ITGAX: variants seen among roughly 807,000 people sequenced by gnomAD.
ITGAX encodes integrin alpha-X.
Under a neutral mutation model 140.2 loss-of-function variants are expected in ITGAX, and 99 were observed. The observed-to-expected ratio is 0.71, with a 90% CI of 0.60 to 0.83. The LOEUF (loss-of-function observed/expected upper bound fraction) is 0.83, where lower values mean the gene tolerates loss of function less well. Ranked by LOEUF, ITGAX falls within the 40% of genes least tolerant of loss-of-function variation. The probability of loss-of-function intolerance (pLI) is 0.00; values close to 1 mark genes in which losing one functional copy is unlikely to be tolerated. For missense variants in ITGAX, 1,444 were observed against 1,482.0 expected, an observed-to-expected ratio of 0.97 and a Z score of 0.42; for synonymous variants, 631 against 600.4, an observed-to-expected ratio of 1.05 and a Z score of -0.75.
Position 31,371,377 on chromosome 16 carries a change from C to T in ITGAX, c.1885C>T (p.Pro629Ser). ...GGTGGGGGTGAGCATGCAGTTCATA[C>T]CTGCCGAGATCCCCAGGTCTGCGTT... ...LWVGVSMQFI[P>S]AEIPRSAFEC... Residue 629 changes from proline (P) to serine (S), a missense_variant, in exon 16 of 30, where the codon CCT becomes TCT. Pro to Ser is a moderately conservative substitution (Grantham distance 74). Coordinates refer to ENST00000268296, the MANE Select transcript of ITGAX (RefSeq NM_000887.5). 1 of 1,614,216 alleles carries T rather than the reference C, an allele frequency of 6.2e-7. No individual in the cohort carries two copies. Among genetic ancestry groups the T allele is most frequent in the South Asian group, 1.1e-5 (1 of 91,088 alleles).
chr16:31,356,613 G>A lies in ITGAX; in HGVS notation c.144-12G>A. On this transcript the variant is annotated splice_polypyrimidine_tract_variant and intron_variant, in intron 2 of 29. Coordinates refer to ENST00000268296, the MANE Select transcript of ITGAX (RefSeq NM_000887.5). Reference sequence around the variant, plus strand: ...CACACTCTTACCTAAAGTGTTCTTTGTCTCCTCGCAGGGTGGTGGTTGGAG... The same window carrying A: ...CACACTCTTACCTAAAGTGTTCTTTATCTCCTCGCAGGGTGGTGGTTGGAG... The A allele has an allele frequency of 1.3e-6, 2 of 1,580,128 alleles. No individual in the cohort carries two copies. The highest frequency in any genetic ancestry group is 8.6e-7 in the Non-Finnish European group (1 of 1,162,320).
chr16:31,373,513 G>A, intron 20 of ITGAX, 123 bp downstream of exon 20: 1 of 1,003,586 alleles, frequency 1.0e-6, no homozygotes, highest in Non-Finnish European at 1.4e-6. Context: ...CTGCTCGTGT[G>A]GGTGTTCAAC....
chr16:31,362,316 T>A (rs1342057481), intron 11 of ITGAX, 112 bp downstream of exon 11: 13 of 1,289,492 alleles, frequency 1.0e-5, no homozygotes, highest in African/African-American at 1.8e-5. Flanking sequence ...GGGTCCAGGC[T>A]TCTGGGGAGG....
At chr16:31,373,923 G>A (rs921615979) in intron 20 of ITGAX, among the ~76,000 whole-genome samples, 3 of 152,212 alleles carry the variant, frequency 2.0e-5, no homozygotes, top group Non-Finnish European at 4.4e-5. Context: ...GTGGCTGTTG[G>A]TTGCCAATCC....
intron 20 of ITGAX, 140 bp downstream of exon 20, chr16:31,373,530 C>T (rs2080993237): frequency 4.8e-6 from 4 of 825,948 alleles, no homozygotes; most frequent in Non-Finnish European, 7.0e-6. Flanking sequence ...CAACTTTGGG[C>T]ATCGCAGTTT....
In ITGAX at chr16:31,361,915, T is replaced by C; in HGVS notation, c.1086+6T>C. On this transcript the variant is annotated splice_donor_region_variant and intron_variant, in intron 10 of 29. Coordinates refer to ENST00000268296, the MANE Select transcript of ITGAX (RefSeq NM_000887.5). ...TCAGCGCTGTGTTCACACCTGTGAGTGGGGCCCCTTAGGCCGATGATGTGC... is the reference window on the plus strand; with the variant it reads ...TCAGCGCTGTGTTCACACCTGTGAGCGGGGCCCCTTAGGCCGATGATGTGC... The C allele has an allele frequency of 6.2e-7, 1 of 1,613,716 alleles. No homozygotes were observed. The highest frequency in any genetic ancestry group is 8.5e-7 in the Non-Finnish European group (1 of 1,179,904).
chr16:31,362,522 G>A (rs1358835367), intron 11 of ITGAX, 89 bp from the exon 12 acceptor site: 2 of 1,471,528 alleles, frequency 1.4e-6, no homozygotes, highest in Non-Finnish European at 1.8e-6. Flanking sequence ...TTCTGGGGAG[G>A]GGAGATGGTG....
At chr16:31,372,166 G>GGA (rs1555477538) in intron 17 of ITGAX, among the ~76,000 whole-genome samples, 1 of 106,868 alleles carries the variant, frequency 9.4e-6, no homozygotes, top group Non-Finnish European at 1.9e-5. Flanking sequence ...CGGGAGGTCT[G>GGA]GGGGGGGGGA....
chr16:31,370,883 T>A (rs965529134), intron 14 of ITGAX, among the ~76,000 whole-genome samples: 16 of 152,128 alleles, frequency 1.1e-4, no homozygotes, highest in African/African-American at 2.4e-4. Context: ...ACACCCTTCC[T>A]ATCTCCACTC....
intron 19 of ITGAX, 122 bp from the exon 20 acceptor site, chr16:31,373,127 A>G (rs2080987691): frequency 1.4e-6 from 1 of 700,262 alleles, no homozygotes; most frequent in Non-Finnish European, 2.2e-6. Flanking sequence ...AAGAAGAAGA[A>G]GAAGAACCCA....
At chr16:31,376,777 C>G (rs183235099) in intron 20 of ITGAX, 22 bp from the exon 21 acceptor site, 372 of 1,609,554 alleles carry the variant, frequency 2.3e-4, no homozygotes, top group Non-Finnish European at 3.1e-4. Context: ...ACTAATACTC[C>G]TCTACTTTTT....
intron 20 of ITGAX, among the ~76,000 whole-genome samples, chr16:31,375,533 G>A (rs955152799): frequency 2.0e-5 from 3 of 152,204 alleles, no homozygotes; most frequent in African/African-American, 7.2e-5. Flanking sequence ...ACACTCTATA[G>A]TTCTGAACAA....
At position 31,371,472 on chromosome 16, in the gene ITGAX, A is replaced by C. The variant is rs749692792; in HGVS notation, c.1980A>C (p.Lys660Asn). The change falls in exon 16 of 30, where the codon AAA becomes AAC. Residue 660 changes from lysine (K) to asparagine (N), a missense_variant. Physicochemically the swap from Lys to Asn is moderately conservative, Grantham distance 94 (BLOSUM62 0). Transcript: ENST00000268296. ...CCAACATCTGCCTTTACATTGACAA[A>C]CGTTCTAAGAACCTGCTTGGGAGCC... is the stretch of plus-strand genomic sequence containing the variant. ...VQSNICLYID[K>N]RSKNLLGSRD... is the part of the protein sequence containing the mutation. 4.3e-6 allele frequency: 7 copies of C among 1,613,872 alleles called. No individual in the cohort carries two copies. In the South Asian group the frequency reaches 6.6e-5, roughly 15 times the overall value.
chr16:31,377,400 G>C, intron 23 of ITGAX, 135 bp downstream of exon 23: 1 of 683,966 alleles, frequency 1.5e-6, no homozygotes, highest in Non-Finnish European at 2.5e-6. Flanking sequence ...TGTTTCAGCA[G>C]ACACCTTCCT....
Position 31,372,368 on chromosome 16 carries a change from C to G in ITGAX, c.2161-10C>G. The G allele has an allele frequency of 4.4e-6, 7 of 1,592,142 alleles. No homozygotes were observed. Among genetic ancestry groups the G allele is most frequent in the Admixed American group, 1.9e-5 (1 of 51,502 alleles). The stretch of plus-strand genomic sequence containing the variant: ...CTTACCCTCCGCTCCCCGCGACGCC[C>G]GTCCCCCAGAGCTGCGTGGAGGACT... On this transcript the variant is annotated splice_polypyrimidine_tract_variant and intron_variant, in intron 17 of 29. Transcript: ENST00000268296.
rs1363780979 is a variant in ITGAX, at chr16:31,360,029, G to C, written c.671G>C (p.Gly224Ala). 6.2e-7 allele frequency: 1 copy of C among 1,613,038 alleles called. No individual in the cohort carries two copies. ...SLLASVHQLQ[G>A]FTYTATAIQN... is the part of the protein sequence containing the mutation. ...TTGGCTTCTGTTCACCAGCTGCAAG[G>C]GTTTACATACACGGCCACCGCCATC... Residue 224 changes from glycine to alanine, a missense_variant, in exon 7 of 30, where the codon GGG becomes GCG. Transcript: ENST00000268296.
intron 11 of ITGAX, 84 bp from the exon 12 acceptor site, chr16:31,362,527 A>G: frequency 7.7e-7 from 1 of 1,302,796 alleles, no homozygotes; most frequent in Non-Finnish European, 9.9e-7. Flanking sequence ...GGGAGGGGAG[A>G]TGGTGCTGTG....
At chr16:31,360,849 G>T in intron 8 of ITGAX, 1 of 553,848 alleles carries the variant, frequency 1.8e-6, no homozygotes, top group Non-Finnish European at 3.2e-6. Flanking sequence ...AGCTCTCTCG[G>T]CTCTTACTGC....
chr16:31,372,166 G>C (rs529093842), intron 17 of ITGAX, among the ~76,000 whole-genome samples: 6 of 106,910 alleles, frequency 5.6e-5, no homozygotes, highest in Admixed American at 8.5e-5. Flanking sequence ...CGGGAGGTCT[G>C]GGGGGGGGGA....
Sources: gnomAD v4.1 joint callset for allele counts (sites outside exome capture counted in the v4.1 genomes callset) on GRCh38, gnomAD v4.1.1 for gene constraint, MANE v1.5 for transcripts, NCBI Gene and HGNC (gene_info 2026-07-23, HGNC 2026-07-21) for gene names.